FRMPD4: variants seen among roughly 807,000 people sequenced by gnomAD.
FRMPD4 encodes the protein FERM and PDZ domain containing 4.
FRMPD4 carries 22 observed loss-of-function variants against 94.1 expected under a neutral mutation model. That is an observed-to-expected ratio of 0.23 (90% CI 0.17 to 0.33). FRMPD4 has a LOEUF of 0.33. Among genes scored for constraint, FRMPD4 ranks in the 10% least tolerant of loss-of-function variants. FRMPD4 has a pLI of 1.00. For synonymous variants in FRMPD4, 631 were observed against 548.6 expected (o/e 1.15, Z -2.10); for missense variants, 1,111 against 1,339.9 (o/e 0.83, Z 2.67).
chrX:12,431,210 G>A (rs1406914019), intron 1 of FRMPD4, among the ~76,000 whole-genome samples: 1 of 112,501 alleles, frequency 8.9e-6, no homozygotes, highest in Non-Finnish European at 1.9e-5. Flanking sequence ...AAGGAGAGAG[G>A]AAAACATAGA....
At chrX:12,431,439 A>G (rs1485446363) in intron 1 of FRMPD4, among the ~76,000 whole-genome samples, 1 of 112,564 alleles carries the variant, frequency 8.9e-6, no homozygotes, top group Non-Finnish European at 1.9e-5. Context: ...ACTACCTACT[A>G]TATGCCAGGT....
intron 2 of FRMPD4, 43 bp downstream of exon 2, chrX:12,498,839 T>C (rs1378090986): frequency 1.5e-6 from 1 of 656,480 alleles, no homozygotes; most frequent in East Asian, 3.3e-5. Flanking sequence ...CCTTGGCCAA[T>C]GGACTTCTTT....
chrX:12,061,986 CAAAT>C (rs1457898928), intron 3 of FRMPD4, among the ~76,000 whole-genome samples: 1 of 111,721 alleles, frequency 9.0e-6, no homozygotes, highest in African/African-American at 3.2e-5. Context: ...TTAGAAGACA[CAAAT>C]AAATAAGTCT....
chrX:12,304,446 G>A (rs1304981803), intron 1 of FRMPD4, among the ~76,000 whole-genome samples: 1 of 111,020 alleles, frequency 9.0e-6, no homozygotes, highest in Non-Finnish European at 1.9e-5. Context: ...TTCCATAGCT[G>A]TGACAGTCAG....
intron 1 of FRMPD4, among the ~76,000 whole-genome samples, chrX:12,419,443 G>GACTT (rs2056854185): frequency 8.9e-6 from 1 of 112,352 alleles, no homozygotes; most frequent in African/African-American, 3.2e-5. Flanking sequence ...AAAAAGATAT[G>GACTT]ACTTATGAAA....
chrX:12,649,122 C>T (rs190121011), intron 4 of FRMPD4, among the ~76,000 whole-genome samples: 13 of 111,943 alleles, frequency 1.2e-4, no homozygotes, highest in East Asian at 2.8e-4. Flanking sequence ...CCCCATAAGA[C>T]GGGATTCCAT....
At chrX:12,553,450 A>ATG (rs2058560251) in intron 2 of FRMPD4, among the ~76,000 whole-genome samples, 1 of 51,829 alleles carries the variant, frequency 1.9e-5, no homozygotes, top group Admixed American at 2.2e-4. Context: ...ATATATATAT[A>ATG]TATATATATA....
intron 2 of FRMPD4, among the ~76,000 whole-genome samples, chrX:12,518,073 C>T (rs1439006836): frequency 1.8e-5 from 2 of 111,940 alleles, no homozygotes; most frequent in Non-Finnish European, 3.8e-5. Flanking sequence ...ACTGGAGCTG[C>T]AGCGATGGTG....
At chrX:12,158,240 T>C (rs2055966807) in intron 1 of FRMPD4, among the ~76,000 whole-genome samples, 1 of 111,529 alleles carries the variant, frequency 9.0e-6, no homozygotes, top group African/African-American at 3.3e-5. Flanking sequence ...GATGAGGATG[T>C]AGGTAGAGGT....
intron 3 of FRMPD4, among the ~76,000 whole-genome samples, chrX:11,956,165 T>C (rs1377587383): frequency 8.9e-6 from 1 of 111,914 alleles, no homozygotes; most frequent in Non-Finnish European, 1.9e-5. Context: ...GGAATTCTTA[T>C]TGTCTGCCAT....
At chrX:12,331,667 AATATATAAATTATATATTTATATAATAT>A (rs1355004321) in intron 1 of FRMPD4, among the ~76,000 whole-genome samples, 1 of 75,602 alleles carries the variant, frequency 1.3e-5, no homozygotes, top group Non-Finnish European at 2.3e-5. Context: ...ATAATATATA[AATATATAAATTATATATTTATATAATAT>A]ATAAATATAT....
intron 1 of FRMPD4, among the ~76,000 whole-genome samples, chrX:12,465,832 G>A (rs1359784434): frequency 8.9e-6 from 1 of 111,770 alleles, no homozygotes; most frequent in Admixed American, 9.5e-5. Flanking sequence ...ACAACTTCTG[G>A]CAACAAAATT....
intron 1 of FRMPD4, among the ~76,000 whole-genome samples, chrX:12,185,404 G>A (rs1456561704): frequency 9.0e-6 from 1 of 111,363 alleles, no homozygotes; most frequent in Non-Finnish European, 1.9e-5. Flanking sequence ...AGAATCCTGG[G>A]GAGGGTGTTA....
intron 3 of FRMPD4, among the ~76,000 whole-genome samples, chrX:11,925,276 C>T (rs1383853897): frequency 9.0e-6 from 1 of 111,167 alleles, no homozygotes; most frequent in African/African-American, 3.3e-5. Flanking sequence ...TTGTAGAGAC[C>T]TTCAAAGAGA....
chrX:12,218,582 A>G (rs2056831964), intron 1 of FRMPD4, among the ~76,000 whole-genome samples: 1 of 112,019 alleles, frequency 8.9e-6, no homozygotes, highest in Admixed American at 9.4e-5. Flanking sequence ...AGCATAACCC[A>G]CTCTCTCCCC....
Position 12,168,817 on chromosome X carries a change from G to A in FRMPD4, c.41+29805G>A, listed in dbSNP as rs2056171447. ...ATTTTTTGTATTTTTAGTAGAGACG[G>A]GGTTTCACCAGGTTAGCCAGGATGG... is the stretch of plus-strand genomic sequence containing the variant. On this transcript the variant is annotated intron_variant, in intron 1 of 16. Coordinates refer to ENST00000675598, the MANE Select transcript of FRMPD4 (RefSeq NM_001368397.1). 2.7e-5 allele frequency among the ~76,000 whole-genome samples: 3 copies of A among 110,228 alleles called. No homozygotes were observed. The South Asian group carries it at 1.2e-3, about 43-fold the overall frequency.
chrX:12,224,075 C>G (rs2056897493), intron 1 of FRMPD4, among the ~76,000 whole-genome samples: 2 of 109,140 alleles, frequency 1.8e-5, no homozygotes, highest in Admixed American at 1.0e-4. Context: ...CAGCTCCTGT[C>G]GTGACAACCA....
At chrX:12,331,620 T>TTACATATAAATTATATAAATTA (rs1491247893) in intron 1 of FRMPD4, among the ~76,000 whole-genome samples, 1 of 80,468 alleles carries the variant, frequency 1.2e-5, no homozygotes, top group African/African-American at 4.6e-5. Flanking sequence ...AATATATATA[T>TTACATATAAATTATATAAATTA]TATATTACAT....
intron 2 of FRMPD4, among the ~76,000 whole-genome samples, chrX:12,535,828 T>C (rs1023325869): frequency 2.7e-5 from 3 of 111,376 alleles, no homozygotes; most frequent in Admixed American, 9.6e-5. Context: ...AAGTATTATC[T>C]TGCCTTTTAT....
Sources: allele counts gnomAD v4.1 joint callset (sites outside exome capture counted in the v4.1 genomes callset), GRCh38; gene constraint gnomAD v4.1.1; transcripts MANE v1.5; gene names NCBI Gene and HGNC (gene_info 2026-07-23, HGNC 2026-07-21).